Variants in ITSN1 observed in about 807,000 individuals in gnomAD.
ITSN1 encodes the protein intersectin 1.
In ITSN1, 58 loss-of-function variants were observed where a neutral mutation model predicts 239.8. The observed-to-expected ratio is 0.24, with a 90% CI of 0.20 to 0.30. The LOEUF is 0.30. Ranked by LOEUF, ITSN1 falls within the 10% of genes least tolerant of loss-of-function variation. ITSN1 has a pLI of 1.00. For missense variants in ITSN1, 1,558 were observed against 2,103.3 expected, an observed-to-expected ratio of 0.74 and a Z score of 5.07; for synonymous variants, 780 against 770.8, an observed-to-expected ratio of 1.01 and a Z score of -0.20.
chr21:33,720,450 C>T (rs1282671348), intron 2 of ITSN1, among the ~76,000 whole-genome samples: 1 of 152,160 alleles, frequency 6.6e-6, no homozygotes, highest in Admixed American at 6.5e-5. Flanking sequence ...GGACTAAAGT[C>T]TGCAAGATCT....
chr21:33,765,725 A>G, intron 9 of ITSN1, 150 bp from the exon 10 acceptor site: 5 of 693,782 alleles, frequency 7.2e-6, no homozygotes, highest in Non-Finnish European at 1.2e-5. Flanking sequence ...TTGCAGCAGT[A>G]TAAAATAGGT....
intron 1 of ITSN1, among the ~76,000 whole-genome samples, chr21:33,714,669 CT>C (rs2065039472): frequency 1.3e-5 from 2 of 151,904 alleles, no homozygotes; most frequent in Non-Finnish European, 2.9e-5. Context: ...ATTTTAATGC[CT>C]TCAGTATCAT....
intron 17 of ITSN1, among the ~76,000 whole-genome samples, chr21:33,796,552 T>A (rs1006270182): frequency 6.6e-6 from 1 of 152,226 alleles, no homozygotes; most frequent in Non-Finnish European, 1.5e-5. Flanking sequence ...TGTCACAGGA[T>A]GGCAGTTCAG....
In ITSN1 at chr21:33,893,253, T is replaced by C. The variant is rs1048607436; in HGVS notation, c.*4953T>C. 4 of 152,234 alleles carry C rather than the reference T, an allele frequency of 2.6e-5. No individual in the cohort carries two copies. Among genetic ancestry groups the C allele is most frequent in the Admixed American group, 1.3e-4 (2 of 15,278 alleles). The allele number at this position is 152,234 out of a possible 1,614,324, so 9.4% of individuals were successfully genotyped here. On this transcript the variant is annotated 3_prime_UTR_variant, in exon 40 of 40. Coordinates refer to ENST00000381318, the MANE Select transcript of ITSN1 (RefSeq NM_003024.3). Reference sequence around the variant, plus strand: ...GATATTTTTATTCTATTTTGAATGGTTCCGATCAATTAATGTTGCTTTGTG... The same window carrying C: ...GATATTTTTATTCTATTTTGAATGGCTCCGATCAATTAATGTTGCTTTGTG...
At chr21:33,694,679 G>C (rs1172275837) in intron 1 of ITSN1, among the ~76,000 whole-genome samples, 1 of 152,136 alleles carries the variant, frequency 6.6e-6, no homozygotes, top group Non-Finnish European at 1.5e-5. Context: ...AAATTAGCCA[G>C]GCGTGGTGGT....
chr21:33,702,369 G>C (rs984485786), intron 1 of ITSN1, among the ~76,000 whole-genome samples: 1 of 151,976 alleles, frequency 6.6e-6, no homozygotes, highest in Non-Finnish European at 1.5e-5. Flanking sequence ...TGCCCACCTC[G>C]GACTCCCAAA....
intron 1 of ITSN1, among the ~76,000 whole-genome samples, chr21:33,670,913 G>A (rs2090233034): frequency 6.6e-6 from 1 of 152,220 alleles, no homozygotes; most frequent in South Asian, 2.1e-4. Flanking sequence ...AAAACTGTGA[G>A]CAACTTTTGG....
At chr21:33,801,092 A>C (rs752893885) in intron 19 of ITSN1, among the ~76,000 whole-genome samples, 20 of 151,980 alleles carry the variant, frequency 1.3e-4, no homozygotes, top group Non-Finnish European at 2.5e-4. Context: ...GCTGGTCTTG[A>C]ATTGCCTGGG....
At chr21:33,700,057 T>A (rs1000158096) in intron 1 of ITSN1, among the ~76,000 whole-genome samples, 23 of 151,384 alleles carry the variant, frequency 1.5e-4, no homozygotes, top group Non-Finnish European at 1.3e-4. Flanking sequence ...CCACCTGCCC[T>A]GCTTGAATTG....
chr21:33,880,008 T>A (rs1487541154), intron 34 of ITSN1, among the ~76,000 whole-genome samples: 2 of 152,214 alleles, frequency 1.3e-5, no homozygotes, highest in Non-Finnish European at 2.9e-5. Flanking sequence ...TTTTTCAGCT[T>A]ACATCCCCCC....
intron 29 of ITSN1, among the ~76,000 whole-genome samples, chr21:33,847,130 T>A (rs1277971472): frequency 6.6e-6 from 1 of 152,220 alleles, no homozygotes; most frequent in Non-Finnish European, 1.5e-5. Context: ...GAGCAGGCTA[T>A]GGGTGCTTAG....
At chr21:33,751,131 A>T (rs2067520807) in intron 6 of ITSN1, among the ~76,000 whole-genome samples, 1 of 152,146 alleles carries the variant, frequency 6.6e-6, no homozygotes, top group South Asian at 2.1e-4. Context: ...TTCTTGTCAC[A>T]TGTAGTTCAT....
At chr21:33,814,202 G>A in intron 22 of ITSN1, 130 bp downstream of exon 22, 1 of 920,010 alleles carries the variant, frequency 1.1e-6, no homozygotes, top group Non-Finnish European at 1.6e-6. Context: ...TGGCAGTATG[G>A]GAATCCAGTG....
At chr21:33,862,030 G>A (rs1980684858) in intron 31 of ITSN1, among the ~76,000 whole-genome samples, 1 of 149,622 alleles carries the variant, frequency 6.7e-6, no homozygotes, top group Non-Finnish European at 1.5e-5. Context: ...GTGCGTGGTG[G>A]CGCATGCCTG....
chr21:33,859,138 C>CGCTTTCCCTA lies in ITSN1; in HGVS notation c.3890+347_3890+348insCTTTCCCTAG, dbSNP rs1979972443. Reference sequence around the variant, plus strand: ...GGGCTGCCCCCTCTACGCTTTCCCTCGGACGCGGGATCCCATGGGGGATTA... The same window carrying CGCTTTCCCTA: ...GGGCTGCCCCCTCTACGCTTTCCCTCGCTTTCCCTAGGACGCGGGATCCCATGGGGGATTA... On this transcript the variant is annotated intron_variant, in intron 31 of 39. Transcript: ENST00000381318. Among the ~76,000 whole-genome samples the CGCTTTCCCTA allele has an allele frequency of 5.3e-5, 8 of 152,104 alleles. 1 individual carries two copies. The South Asian group carries it at 1.5e-3, about 28-fold the overall frequency.
At chr21:33,753,252 C>A in intron 7 of ITSN1, among the ~76,000 whole-genome samples, 1 of 152,120 alleles carries the variant, frequency 6.6e-6, no homozygotes. Context: ...TGCGGTTTTA[C>A]CCTTAAGATG....
chr21:33,657,266 G>A (rs4817592), intron 1 of ITSN1, among the ~76,000 whole-genome samples: 58,054 of 151,948 alleles, frequency 0.38, 11,860 homozygotes, highest in East Asian at 0.57. Context: ...GAGAACATGC[G>A]GTATTTGGTT....
At position 33,856,750 on chromosome 21, in the gene ITSN1, C is replaced by G; in HGVS notation, c.3676C>G (p.His1226Asp). The stretch of plus-strand genomic sequence containing the variant: ...GTGTTTTCCAGGGTGTTCAGACTTA[C>G]ATCTCTTGGATATGTTGACCCCAAC... The part of the protein sequence containing the change: ...DPSQQWCSDL[H>D]LLDMLTPTER... The change falls in exon 30 of 40, where the codon CAT (histidine) becomes GAT (aspartate). Residue 1226 changes from histidine to aspartate, a missense_variant. Around this residue, in one of 2 missense-constraint regions of ITSN1, gnomAD observed 576 missense variants for 893.3 expected, o/e 0.64. Coordinates refer to ENST00000381318, the MANE Select transcript of ITSN1 (RefSeq NM_003024.3). 1.9e-6 allele frequency: 3 copies of G among 1,614,042 alleles called. No homozygotes were observed. Among genetic ancestry groups the G allele is most frequent in the Non-Finnish European group, 2.5e-6 (3 of 1,179,946 alleles).
intron 12 of ITSN1, among the ~76,000 whole-genome samples, chr21:33,773,114 C>T (rs2069306134): frequency 6.6e-6 from 1 of 150,900 alleles, no homozygotes; most frequent in South Asian, 2.1e-4. Flanking sequence ...TCAAGCGATT[C>T]TCCTGCCTCA....
Sources: allele counts gnomAD v4.1 joint callset (sites outside exome capture counted in the v4.1 genomes callset), GRCh38; gene constraint gnomAD v4.1.1; regional missense constraint gnomAD v4.1.1; transcripts MANE v1.5; gene names NCBI Gene and HGNC (gene_info 2026-07-23, HGNC 2026-07-21).